NDC80: variants seen among roughly 807,000 people sequenced by gnomAD.
The protein encoded by NDC80 is kinetochore protein NDC80 homolog.
In NDC80, 69 loss-of-function variants were observed where a neutral mutation model predicts 89.3. The ratio of observed to expected loss-of-function variants is 0.77; its 90% confidence interval spans 0.64 to 0.94. The LOEUF (loss-of-function observed/expected upper bound fraction) is 0.94, where lower values mean the gene tolerates loss of function less well. Among genes scored for constraint, NDC80 ranks in the 40% least tolerant of loss-of-function variants. The pLI, the probability that NDC80 is intolerant of heterozygous loss-of-function variation, is 0.00. For synonymous variants in NDC80, 243 were observed against 255.6 expected, an observed-to-expected ratio of 0.95 and a Z score of 0.47; for missense variants, 593 against 739.6, an observed-to-expected ratio of 0.80 and a Z score of 2.30.
chr18:2,615,824 T>G (rs1477784349), intron 16 of NDC80, among the ~76,000 whole-genome samples: 1 of 152,204 alleles, frequency 6.6e-6, no homozygotes, highest in Non-Finnish European at 1.5e-5. Context: ...AACATTATAT[T>G]TAATATCATT....
At position 2,578,100 on chromosome 18, in the gene NDC80, A is replaced by G. The variant is rs1260538769; in HGVS notation, c.435A>G (p.Thr145=). 1.9e-6 allele frequency: 3 copies of G among 1,613,942 alleles called. No homozygotes were observed. Among genetic ancestry groups the G allele is most frequent in the African/African-American group, 2.7e-5 (2 of 74,934 alleles). ...FLCPSYELPD[T]KFEEEVPRIF... is the part of the protein sequence containing the mutation. ...GCCCCTCATACGAACTTCCTGACAC[A>G]AAGTTTGAAGAAGAGGTTCCAAGAA... Residue 145 remains threonine, a synonymous_variant, in exon 5 of 17, where the codon ACA becomes ACG. Coordinates refer to ENST00000261597, the MANE Select transcript of NDC80 (RefSeq NM_006101.3).
Position 2,574,980 on chromosome 18 carries a change from T to C in NDC80, c.102-9T>C, listed in dbSNP as rs1167656643. ...TATTTTAAAGAGTTGTTTTCTATTTTTCTTAAAGCAAAGAGAAACCAACCT... is the reference window on the plus strand; with the variant it reads ...TATTTTAAAGAGTTGTTTTCTATTTCTCTTAAAGCAAAGAGAAACCAACCT... On this transcript the variant is annotated splice_polypyrimidine_tract_variant and intron_variant, in intron 2 of 16. Coordinates refer to ENST00000261597, the MANE Select transcript of NDC80 (RefSeq NM_006101.3). 7.0e-6 allele frequency: 11 copies of C among 1,562,904 alleles called. No homozygotes were observed. Among genetic ancestry groups the C allele is most frequent in the Non-Finnish European group, 9.6e-6 (11 of 1,147,664 alleles).
intron 6 of NDC80, chr18:2,582,679 AG>A (rs1446072099): frequency 6.6e-6 from 1 of 152,226 alleles, no homozygotes; most frequent in Non-Finnish European, 1.5e-5. Context: ...TGATCTTTGA[AG>A]GTTATCCTAT....
In NDC80 at chr18:2,577,803, A is replaced by T. The variant is rs748841555; in HGVS notation, c.237A>T (p.Lys79Asn). The T allele has an allele frequency of 6.2e-7, 1 of 1,614,170 alleles. No homozygotes were observed. Among genetic ancestry groups the T allele is most frequent in the South Asian group, 1.1e-5 (1 of 91,086 alleles). ...SQLGIFSSSE[K>N]IKDPRPLNDK... Reference sequence around the variant, plus strand: ...TTGGTATATTTTCCAGTTCTGAGAAAATCAAGGACCCGAGACCACTTAATG... The same window carrying T: ...TTGGTATATTTTCCAGTTCTGAGAATATCAAGGACCCGAGACCACTTAATG... The change falls in exon 4 of 17, where the codon AAA (lysine) becomes AAT (asparagine). Residue 79 changes from lysine (K) to asparagine (N), a missense_variant. Lys to Asn is a moderately conservative substitution (Grantham distance 94). Transcript: ENST00000261597.
intron 11 of NDC80, among the ~76,000 whole-genome samples, chr18:2,598,182 A>G (rs2072667001): frequency 6.6e-6 from 1 of 152,244 alleles, no homozygotes; most frequent in Admixed American, 6.5e-5. Flanking sequence ...TTACCATTGC[A>G]TTCCTTCACT....
In NDC80 at chr18:2,573,729, A is replaced by G. The variant is rs183575337; in HGVS notation, c.101+643A>G. 1.8e-3 allele frequency among the ~76,000 whole-genome samples: 277 copies of G among 152,310 alleles called. 1 individual carries two copies. The highest frequency in any genetic ancestry group is 3.4e-3 in the Middle Eastern group (1 of 294). The stretch of plus-strand genomic sequence containing the variant: ...ACTTGGATTTACATAGTATGAGCCT[A>G]TGTTACTTTTAGAAATTTGAAATAT... On this transcript the variant is annotated intron_variant, in intron 2 of 16. Transcript: ENST00000261597.
In NDC80 at chr18:2,573,022, C is replaced by T; in HGVS notation, c.37C>T (p.Arg13Cys). 1.2e-6 allele frequency: 2 copies of T among 1,613,934 alleles called. No homozygotes were observed. Among genetic ancestry groups the T allele is most frequent in the Admixed American group, 1.7e-5 (1 of 60,006 alleles). The change falls in exon 2 of 17, where the codon CGC becomes TGC. Residue 13 changes from arginine to cysteine, a missense_variant. Physicochemically the swap from Arg to Cys is radical, Grantham distance 180. Transcript: ENST00000261597. ...TTCAGTTTCCAGCGGTGGTGCTGGC[C>T]GCCTCTCCATGCAGGAGTTAAGATC... Reference protein sequence around the residue: ...RSSVSSGGAGRLSMQELRSQD... With the variant: ...RSSVSSGGAGCLSMQELRSQD...
chr18:2,602,605 A>G (rs994886739), intron 13 of NDC80, among the ~76,000 whole-genome samples: 2 of 152,180 alleles, frequency 1.3e-5, no homozygotes, highest in African/African-American at 2.4e-5. Flanking sequence ...ATTCCAAACA[A>G]CAGGAACTTC....
intron 14 of NDC80, 54 bp from the exon 15 acceptor site, chr18:2,608,646 A>G: frequency 6.5e-7 from 1 of 1,540,830 alleles, no homozygotes; most frequent in Non-Finnish European, 8.8e-7. Flanking sequence ...ATCCACCTAG[A>G]GTATACAGAA....
chr18:2,604,499 T>A (rs2072700285), intron 13 of NDC80, among the ~76,000 whole-genome samples: 1 of 152,126 alleles, frequency 6.6e-6, no homozygotes, highest in Non-Finnish European at 1.5e-5. Flanking sequence ...CCAGGCAACA[T>A]GGCAAAACCC....
chr18:2,602,945 T>C (rs1342055056), intron 13 of NDC80, among the ~76,000 whole-genome samples: 1 of 152,168 alleles, frequency 6.6e-6, no homozygotes, highest in Non-Finnish European at 1.5e-5. Context: ...AAGGATTTCA[T>C]GGCTGCATGT....
At chr18:2,583,350 T>C (rs901340111) in intron 6 of NDC80, among the ~76,000 whole-genome samples, 2 of 152,172 alleles carry the variant, frequency 1.3e-5, no homozygotes, top group African/African-American at 4.8e-5. Flanking sequence ...GATGACAAGA[T>C]ATAAGATTCT....
Sources: gnomAD v4.1 joint callset for allele counts (sites outside exome capture counted in the v4.1 genomes callset) on GRCh38, gnomAD v4.1.1 for gene constraint, MANE v1.5 for transcripts, NCBI Gene and HGNC (gene_info 2026-07-23, HGNC 2026-07-21) for gene names.